Variants in ZNF664 observed in about 807,000 individuals in gnomAD.
ZNF664 encodes zinc finger Organ of Corti 1.
ZNF664 carries 10 observed loss-of-function variants against 18.2 expected under a neutral mutation model. The ratio of observed to expected loss-of-function variants is 0.55; its 90% CI spans 0.34 to 0.93. ZNF664 has a LOEUF of 0.93. ZNF664 is among the 40% of genes least tolerant of loss of function. The pLI is 0.02. For synonymous variants in ZNF664, 119 were observed against 104.2 expected, an observed-to-expected ratio of 1.14 and a Z score of -0.86; for missense variants, 193 against 319.0, an observed-to-expected ratio of 0.61 and a Z score of 3.01.
At position 123,984,675 on chromosome 12, in the gene ZNF664, A is replaced by G. The variant is rs552896480; in HGVS notation, c.-756-3368A>G. 2.0e-4 allele frequency among the ~76,000 whole-genome samples: 31 copies of G among 152,058 alleles called. No homozygotes were observed. The South Asian group carries it at 5.8e-3, about 29-fold the overall frequency. ...TGCCTGGGAGATCTGTTGAGGGAAG[A>G]AGTTGCCTTTTATAGGGACTTTGAG... is the stretch of plus-strand genomic sequence containing the variant. On this transcript the variant is annotated intron_variant, in intron 2 of 4. Coordinates refer to ENST00000337815, the MANE Select transcript of ZNF664 (RefSeq NM_152437.3).
Position 124,014,723 on chromosome 12 carries a change from T to C in ZNF664, c.*1793T>C, listed in dbSNP as rs913424336. The C allele has an allele frequency of 1.2e-5, 2 of 167,082 alleles. No homozygotes were observed. Among genetic ancestry groups the C allele is most frequent in the African/African-American group, 4.8e-5 (2 of 41,464 alleles). 10.3% of individuals were successfully genotyped at this position (167,082 alleles called of 1,614,324 possible). The stretch of plus-strand genomic sequence containing the variant: ...TTTGATTTTTCTTTCCATATTTGAA[T>C]TAATTTTTTCTGTTTGACTGGAAGG... On this transcript the variant is annotated 3_prime_UTR_variant, in exon 5 of 5. Coordinates refer to ENST00000337815, the MANE Select transcript of ZNF664 (RefSeq NM_152437.3).
intron 2 of ZNF664, chr12:123,974,514 A>C (rs541132750): frequency 6.5e-6 from 1 of 152,826 alleles, no homozygotes; most frequent in East Asian, 1.9e-4. Flanking sequence ...GACCTTGTTC[A>C]ACCCGCAGGT....
chr12:123,989,823 T>C (rs1594553486), intron 3 of ZNF664, among the ~76,000 whole-genome samples: 1 of 152,250 alleles, frequency 6.6e-6, no homozygotes, highest in East Asian at 1.9e-4. Context: ...TTGTGACCAT[T>C]CCCTGGCCCT....
intron 3 of ZNF664, chr12:123,989,384 C>G (rs1408997773): frequency 6.6e-6 from 1 of 152,354 alleles, no homozygotes; most frequent in Admixed American, 6.5e-5. Context: ...CTCTCTCTTT[C>G]TGGCTGCATT....
chr12:123,985,805 A>G (rs1956817703), intron 2 of ZNF664, among the ~76,000 whole-genome samples: 1 of 152,228 alleles, frequency 6.6e-6, no homozygotes, highest in South Asian at 2.1e-4. Flanking sequence ...GCCTTAAGCC[A>G]TTAAACTTTT....
rs1410703730 is a variant in ZNF664, at chr12:123,973,274, C to T, written c.-970C>T. Reference sequence around the variant, plus strand: ...CGCGCGCGCGCGCGGCTCGGAGGCGCACCTGTGAGGTGTCCCTGAGGAGAG... The same window carrying T: ...CGCGCGCGCGCGCGGCTCGGAGGCGTACCTGTGAGGTGTCCCTGAGGAGAG... On this transcript the variant is annotated 5_prime_UTR_variant, in exon 1 of 5. Coordinates refer to ENST00000337815, the MANE Select transcript of ZNF664 (RefSeq NM_152437.3). The T allele has an allele frequency of 2.0e-6, 2 of 1,006,210 alleles. No homozygotes were observed. The highest frequency in any genetic ancestry group is 1.8e-5 in the African/African-American group (1 of 57,056). The allele number at this position is 1,006,210 out of a possible 1,614,324, so 62.3% of individuals were successfully genotyped here.
At chr12:123,987,917 A>T in intron 2 of ZNF664, 126 bp from the exon 3 acceptor site, 1 of 1,200,400 alleles carries the variant, frequency 8.3e-7, no homozygotes, top group Non-Finnish European at 1.0e-6. Flanking sequence ...TCCCAGATGT[A>T]AATAGGTCTG....
intron 3 of ZNF664, among the ~76,000 whole-genome samples, chr12:123,988,424 T>C (rs1053640952): frequency 1.3e-5 from 2 of 152,216 alleles, no homozygotes; most frequent in Non-Finnish European, 2.9e-5. Context: ...CATTGGTTAT[T>C]AAAACTTTGT....
At chr12:123,998,481 G>A (rs966910241) in intron 3 of ZNF664, 1 of 152,630 alleles carries the variant, frequency 6.6e-6, no homozygotes, top group Admixed American at 6.5e-5. Context: ...GTTTCTGCCT[G>A]CTGGACTTCA....
At chr12:124,005,718 C>T (rs765426729) in intron 3 of ZNF664, among the ~76,000 whole-genome samples, 7 of 152,302 alleles carry the variant, frequency 4.6e-5, no homozygotes, top group Middle Eastern at 6.8e-3. Context: ...TCACATCCCC[C>T]GTCTTTCTAA....
At chr12:124,002,313 G>C (rs1054827044) in intron 3 of ZNF664, among the ~76,000 whole-genome samples, 2 of 152,230 alleles carry the variant, frequency 1.3e-5, no homozygotes, top group African/African-American at 4.8e-5. Flanking sequence ...CAGGAGGTGA[G>C]GTTGGAAGGA....
In ZNF664 at chr12:123,973,924, C is replaced by A; in HGVS notation, c.-853C>A. On this transcript the variant is annotated 5_prime_UTR_variant, in exon 2 of 5. Transcript: ENST00000337815. ...CGGCAGAGGAGGCGAGCATCCCGCT[C>A]AGGTGATGAGGAACCCCTCGCGCAC... 8.1e-7 allele frequency: 1 copy of A among 1,231,922 alleles called. No homozygotes were observed. The highest frequency in any genetic ancestry group is 4.1e-5 in the South Asian group (1 of 24,310). The allele number at this position is 1,231,922 out of a possible 1,614,324, so 76.3% of individuals were successfully genotyped here.
At chr12:124,005,775 C>T (rs1187409658) in intron 3 of ZNF664, 1 of 152,546 alleles carries the variant, frequency 6.6e-6, no homozygotes, top group African/African-American at 2.4e-5. Context: ...CATGCCAGCC[C>T]CAAGTGCTAG....
intron 3 of ZNF664, among the ~76,000 whole-genome samples, chr12:123,999,892 G>A (rs1956991614): frequency 6.6e-6 from 1 of 152,216 alleles, no homozygotes. Context: ...TAGCCACATA[G>A]CAAGTTGGGG....
chr12:124,011,021 GATTTT>G (rs1331100980), intron 3 of ZNF664, among the ~76,000 whole-genome samples: 1 of 152,204 alleles, frequency 6.6e-6, no homozygotes, highest in Non-Finnish European at 1.5e-5. Flanking sequence ...TAAGGATTGG[GATTTT>G]ATTTTAAGTA....
intron 3 of ZNF664, among the ~76,000 whole-genome samples, chr12:123,999,967 G>T (rs1001621920): frequency 1.3e-5 from 2 of 152,232 alleles, no homozygotes; most frequent in African/African-American, 4.8e-5. Context: ...TGAAGACCTT[G>T]GTGGTCTATG....
intron 2 of ZNF664, among the ~76,000 whole-genome samples, chr12:123,974,762 T>A (rs1398698638): frequency 6.6e-6 from 1 of 152,248 alleles, no homozygotes; most frequent in South Asian, 2.1e-4. Flanking sequence ...CTTTCAATGT[T>A]AGCATGTAAT....
intron 3 of ZNF664, chr12:124,004,748 C>T (rs1957051242): frequency 6.6e-6 from 1 of 152,290 alleles, no homozygotes; most frequent in Admixed American, 6.5e-5. Flanking sequence ...CCTTTCAGAT[C>T]AGCGGCGGCA....
At chr12:123,978,100 T>C (rs184403089) in intron 2 of ZNF664, among the ~76,000 whole-genome samples, 3 of 150,712 alleles carry the variant, frequency 2.0e-5, no homozygotes, top group Admixed American at 2.0e-4. Context: ...TTAGAAACAA[T>C]AGAGAAAATA....
Sources: allele counts gnomAD v4.1 joint callset (sites outside exome capture counted in the v4.1 genomes callset), GRCh38; gene constraint gnomAD v4.1.1; transcripts MANE v1.5; gene names NCBI Gene and HGNC (gene_info 2026-07-23, HGNC 2026-07-21).